The following TMEM229B variants were observed in gnomAD, a reference collection of about 807,000 sequenced individuals.
TMEM229B encodes transmembrane protein 229B.
TMEM229B carries 6 observed loss-of-function variants against 13.7 expected under a neutral mutation model. That is an observed-to-expected ratio of 0.44 (90% CI 0.24 to 0.86). TMEM229B has a LOEUF of 0.86. TMEM229B is among the 40% of genes least tolerant of loss of function. The pLI is 0.23. For missense variants in TMEM229B, 170 were observed against 236.0 expected, an observed-to-expected ratio of 0.72 and a Z score of 1.83; for synonymous variants, 107 against 102.1, an observed-to-expected ratio of 1.05 and a Z score of -0.29.
chr14:67,514,570 C>G (rs1256658605), intron 1 of TMEM229B, among the ~76,000 whole-genome samples: 1 of 152,070 alleles, frequency 6.6e-6, no homozygotes, highest in Non-Finnish European at 1.5e-5. Context: ...GTCATTTTGG[C>G]AGCGTTCCCT....
intron 1 of TMEM229B, among the ~76,000 whole-genome samples, chr14:67,522,371 C>T (rs954504842): frequency 6.6e-6 from 1 of 152,194 alleles, no homozygotes; most frequent in African/African-American, 2.4e-5. Context: ...CTGGTCACCT[C>T]TCCTCTGTGC....
chr14:67,531,744 ATTT>A (rs757022456), intron 1 of TMEM229B, among the ~76,000 whole-genome samples: 1 of 131,142 alleles, frequency 7.6e-6, no homozygotes. Flanking sequence ...AAAAAAAAAA[ATTT>A]TTTTTTTTTT....
Position 67,476,025 on chromosome 14 carries a change from G to A in TMEM229B, c.-18-2084C>T, listed in dbSNP as rs1039283806. Among the ~76,000 whole-genome samples, 123 of 152,230 alleles carry A rather than the reference G, an allele frequency of 8.1e-4. 1 individual carries two copies. The highest frequency in any genetic ancestry group is 2.9e-3 in the African/African-American group (119 of 41,462). ...TTCATGTGGAGGGAGGTGTGGGACT[G>A]CATCAAGAATGGGAAGGTAGGGCTT... On this transcript the variant is annotated intron_variant, in intron 2 of 2. Coordinates refer to ENST00000554480, the MANE Select transcript of TMEM229B (RefSeq NM_001348543.2).
chr14:67,492,551 C>T (rs559993952), upstream of TMEM229B, among the ~76,000 whole-genome samples: 1 of 152,314 alleles, frequency 6.6e-6, no homozygotes, highest in Non-Finnish European at 1.5e-5. Flanking sequence ...GGTTACCCTG[C>T]CACGCTGCAC....
chr14:67,473,125 C>A lies in TMEM229B; in HGVS notation c.*295G>T, dbSNP rs1005601848. The A allele has an allele frequency of 2.4e-6, 1 of 412,520 alleles. No individual in the cohort carries two copies. Among genetic ancestry groups the A allele is most frequent in the Admixed American group, 3.8e-5 (1 of 26,470 alleles). The allele number at this position is 412,520 out of a possible 1,614,324, so 25.6% of individuals were successfully genotyped here. A position where few individuals can be genotyped will look rare whatever the true frequency, so the allele number is the denominator to read the frequency against. ...CAGGGCCTGCTGCTTCCAAAGTCAA[C>A]TACATAGTCCATCGCTGCTCAGCCA... On this transcript the variant is annotated 3_prime_UTR_variant, in exon 3 of 3. Coordinates refer to ENST00000554480, the MANE Select transcript of TMEM229B (RefSeq NM_001348543.2). The surrounding 1 kb of genome is among the most constrained non-coding windows in gnomAD (Gnocchi z 6.5).
At chr14:67,524,128 G>C (rs2033331992) in intron 1 of TMEM229B, among the ~76,000 whole-genome samples, 1 of 152,122 alleles carries the variant, frequency 6.6e-6, no homozygotes, top group African/African-American at 2.4e-5. Flanking sequence ...TCACAACCTT[G>C]GGCTTTTGAT....
At chr14:67,497,067 C>T (rs771547319) in intron 1 of TMEM229B, among the ~76,000 whole-genome samples, 5 of 151,944 alleles carry the variant, frequency 3.3e-5, no homozygotes, top group Non-Finnish European at 7.4e-5. Context: ...GCTGGGATTA[C>T]AGGCCTGAGC....
At chr14:67,474,914 C>CTTTTT (rs71129825) in intron 2 of TMEM229B, among the ~76,000 whole-genome samples, 166 of 124,918 alleles carry the variant, frequency 1.3e-3, no homozygotes, top group African/African-American at 2.3e-3. Flanking sequence ...GAATTTCCTT[C>CTTTTT]TTTTTTTTTT....
chr14:67,519,274 A>T (rs549955332), upstream of TMEM229B, among the ~76,000 whole-genome samples: 1 of 152,354 alleles, frequency 6.6e-6, no homozygotes, highest in South Asian at 2.1e-4. Flanking sequence ...AAGAAATTTC[A>T]TTGGAAAAGA....
At chr14:67,481,391 T>G (rs2140092479) in intron 2 of TMEM229B, among the ~76,000 whole-genome samples, 1 of 151,988 alleles carries the variant, frequency 6.6e-6, no homozygotes, top group Middle Eastern at 3.4e-3. Context: ...CCATGGGTAG[T>G]AGATGGAGGG....
chr14:67,527,980 T>A (rs1311714018), intron 1 of TMEM229B, among the ~76,000 whole-genome samples: 1 of 152,074 alleles, frequency 6.6e-6, no homozygotes, highest in African/African-American at 2.4e-5. Flanking sequence ...AGCCACCTAC[T>A]CCTCCACGCT....
upstream of TMEM229B, among the ~76,000 whole-genome samples, chr14:67,520,295 A>G (rs573802746): frequency 3.3e-5 from 5 of 152,296 alleles, no homozygotes; most frequent in Admixed American, 3.3e-4. Flanking sequence ...TATCATATGG[A>G]ATATTTTCAC....
upstream of TMEM229B, among the ~76,000 whole-genome samples, chr14:67,519,375 A>G (rs951326857): frequency 1.3e-5 from 2 of 152,250 alleles, no homozygotes; most frequent in African/African-American, 4.8e-5. Flanking sequence ...TTGGGAATCC[A>G]GGTAATGGGA....
At chr14:67,501,664 C>T (rs1244038821) in intron 1 of TMEM229B, among the ~76,000 whole-genome samples, 3 of 152,164 alleles carry the variant, frequency 2.0e-5, no homozygotes, top group Non-Finnish European at 4.4e-5. Flanking sequence ...GTTTGAAGAG[C>T]CCAAAGACCT....
At chr14:67,477,248 T>C (rs998050318) in intron 2 of TMEM229B, among the ~76,000 whole-genome samples, 3 of 152,218 alleles carry the variant, frequency 2.0e-5, no homozygotes, top group Non-Finnish European at 4.4e-5. Flanking sequence ...TCAAGATTCT[T>C]CATGACCTTG....
Position 67,474,252 on chromosome 14 carries a change from CA to C in TMEM229B, c.-18-312del, listed in dbSNP as rs1317911307. Among the ~76,000 whole-genome samples, 16 of 109,802 alleles carry C rather than the reference CA, an allele frequency of 1.5e-4. No homozygotes were observed. The East Asian group carries it at 3.4e-3, about 23-fold the overall frequency. 72.0% of individuals were successfully genotyped at this position (109,802 alleles called of 152,430 possible). A position where few individuals can be genotyped will look rare whatever the true frequency, so the allele number is the denominator to read the frequency against. On this transcript the variant is annotated intron_variant, in intron 2 of 2. Transcript: ENST00000554480. ...GGGAGACAGAGTGAGACTCTGTCTC[CA>C]AAAAAACAAAACAAAAAAAAAACAG...
At chr14:67,511,507 C>T (rs773277016) in intron 1 of TMEM229B, among the ~76,000 whole-genome samples, 2 of 151,950 alleles carry the variant, frequency 1.3e-5, no homozygotes, top group Non-Finnish European at 2.9e-5. Flanking sequence ...CCGAGAATCC[C>T]GAAAAAAATA....
At chr14:67,500,728 C>T (rs900398668) in intron 1 of TMEM229B, among the ~76,000 whole-genome samples, 96 of 151,724 alleles carry the variant, frequency 6.3e-4, no homozygotes, top group African/African-American at 2.0e-3. Context: ...CCCGCCACCA[C>T]GCCCGGCTAA....
intron 1 of TMEM229B, among the ~76,000 whole-genome samples, chr14:67,520,442 C>G (rs1397284249): frequency 6.6e-6 from 1 of 152,194 alleles, no homozygotes. Context: ...CCATTTAAAG[C>G]CTTTTCAAAC....
Sources: allele counts gnomAD v4.1 joint callset (sites outside exome capture counted in the v4.1 genomes callset), GRCh38; gene constraint gnomAD v4.1.1; non-coding constraint Gnocchi (gnomAD v3.1); transcripts MANE v1.5; gene names NCBI Gene and HGNC (gene_info 2026-07-23, HGNC 2026-07-21).